The following SMAD3 variants were observed in gnomAD, a reference collection of about 807,000 sequenced individuals.
SMAD3 encodes MAD homolog 3.
In SMAD3, 12 loss-of-function variants were observed where a neutral mutation model predicts 51.8. That is an observed-to-expected ratio of 0.23 (90% CI 0.15 to 0.38). The LOEUF (loss-of-function observed/expected upper bound fraction) is 0.38, where lower values mean the gene tolerates loss of function less well. SMAD3 is among the 10% of genes least tolerant of loss of function. The pLI, the probability that SMAD3 is intolerant of heterozygous loss-of-function variation, is 1.00. For missense variants in SMAD3, 294 were observed against 565.6 expected (o/e 0.52, Z 4.87); for synonymous variants, 238 against 227.7 (o/e 1.05, Z -0.41).
At chr15:67,098,759 C>T (rs368049449) in intron 1 of SMAD3, 31 of 639,098 alleles carry the variant, frequency 4.9e-5, no homozygotes, top group Admixed American at 1.1e-4. Context: ...GCCTCCACAG[C>T]CCCCGGAAGG....
chr15:67,067,958 A>G (rs778921929), intron 1 of SMAD3, among the ~76,000 whole-genome samples: 3 of 152,042 alleles, frequency 2.0e-5, no homozygotes, highest in Non-Finnish European at 4.4e-5. Context: ...TGCCAAACCT[A>G]CCTTCTCCTT....
intron 1 of SMAD3, among the ~76,000 whole-genome samples, chr15:67,150,866 TTTTTTTTG>T (rs1962120439): frequency 8.4e-6 from 1 of 118,410 alleles, no homozygotes; most frequent in African/African-American, 3.2e-5. Context: ...TTTTTTTTTT[TTTTTTTTG>T]AGATGGAGTC....
intron 5 of SMAD3, among the ~76,000 whole-genome samples, chr15:67,173,144 GGCCAGGCGTCTCCTCTGTATCCATGC>G (rs1962797889): frequency 6.6e-6 from 1 of 152,174 alleles, no homozygotes; most frequent in East Asian, 1.9e-4. Context: ...ATTCCAGGCT[GGCCAGGCGTCTCCTCTGTATCCATGC>G]GCTCAGTCAA....
intron 1 of SMAD3, among the ~76,000 whole-genome samples, chr15:67,116,290 C>T (rs2140239034): frequency 6.6e-6 from 1 of 152,344 alleles, no homozygotes; most frequent in Admixed American, 6.5e-5. Flanking sequence ...CACATCTTCA[C>T]ATTTGCAGTG....
chr15:67,107,635 G>A (rs981231941), intron 1 of SMAD3, among the ~76,000 whole-genome samples: 28 of 152,212 alleles, frequency 1.8e-4, no homozygotes, highest in African/African-American at 6.5e-4. Flanking sequence ...CTAAGTCACT[G>A]CCTGTCGCTG....
intron 1 of SMAD3, among the ~76,000 whole-genome samples, chr15:67,083,775 C>G (rs987264675): frequency 3.3e-5 from 5 of 152,208 alleles, no homozygotes; most frequent in African/African-American, 9.7e-5. Context: ...CTTCTTCTTT[C>G]TCCTCACACA....
chr15:67,129,819 A>G (rs1961479097), intron 1 of SMAD3, among the ~76,000 whole-genome samples: 1 of 152,272 alleles, frequency 6.6e-6, no homozygotes, highest in Non-Finnish European at 1.5e-5. Flanking sequence ...TCTTTATCAT[A>G]CTGAGTCTGA....
intron 1 of SMAD3, chr15:67,126,055 G>A: frequency 1.4e-6 from 1 of 730,536 alleles, no homozygotes; most frequent in Non-Finnish European, 1.7e-6. Context: ...GAAACTGTAT[G>A]CTCGACACAC....
chr15:67,182,869 A>G (rs77101883), intron 6 of SMAD3, among the ~76,000 whole-genome samples: 3,643 of 150,610 alleles, frequency 0.024, 151 homozygotes, highest in African/African-American at 0.085. Context: ...GGGTCTTGCT[A>G]TGTTGCCCAG....
intron 1 of SMAD3, among the ~76,000 whole-genome samples, chr15:67,104,265 T>A (rs1488211928): frequency 6.6e-6 from 1 of 152,200 alleles, no homozygotes; most frequent in African/African-American, 2.4e-5. Flanking sequence ...ACTGAGTGTT[T>A]GAATGAATGA....
Position 67,184,418 on chromosome 15 carries a change from C to T in SMAD3, c.872-309C>T, listed in dbSNP as rs7181543. Among the ~76,000 whole-genome samples the T allele has an allele frequency of 0.22, 33,609 of 152,108 alleles. 4,252 individuals are homozygous for T. Among genetic ancestry groups the T allele is most frequent in the East Asian group, 0.47 (2,454 of 5,170 alleles). On this transcript the variant is annotated intron_variant, in intron 6 of 8. Transcript: ENST00000327367. ...CACCGCGCCTGGCCCCCATCCCTATCGTAGAGACAAACGAAGACTCAGAGG... is the reference window on the plus strand; with the variant it reads ...CACCGCGCCTGGCCCCCATCCCTATTGTAGAGACAAACGAAGACTCAGAGG...
At chr15:67,159,709 C>T (rs539358399) in intron 1 of SMAD3, among the ~76,000 whole-genome samples, 2 of 152,272 alleles carry the variant, frequency 1.3e-5, no homozygotes, top group Admixed American at 1.3e-4. Context: ...AATGACTGAT[C>T]CCTGCTTTCT....
intron 5 of SMAD3, among the ~76,000 whole-genome samples, chr15:67,179,170 G>C (rs915316837): frequency 2.6e-5 from 4 of 152,218 alleles, no homozygotes; most frequent in African/African-American, 9.6e-5. Flanking sequence ...GTCTGTGCCT[G>C]AGCCAAGATT....
intron 1 of SMAD3, among the ~76,000 whole-genome samples, chr15:67,107,653 TGCATGGACAGG>T (rs545802518): frequency 3.5e-4 from 53 of 152,342 alleles, no homozygotes; most frequent in African/African-American, 1.2e-3. Flanking sequence ...CTGTGGTTAT[TGCATGGACAGG>T]GCCTCCCTCT....
At chr15:67,099,633 T>A (rs534993676) in intron 1 of SMAD3, among the ~76,000 whole-genome samples, 138 of 152,310 alleles carry the variant, frequency 9.1e-4, no homozygotes, top group African/African-American at 3.0e-3. Flanking sequence ...GAAGATGGGA[T>A]CTGGATGACA....
intron 1 of SMAD3, among the ~76,000 whole-genome samples, chr15:67,155,858 G>A (rs915069675): frequency 6.6e-6 from 1 of 151,894 alleles, no homozygotes; most frequent in African/African-American, 2.4e-5. Flanking sequence ...GTGGTGGTGC[G>A]CACCTATAAT....
chr15:67,180,959 G>C (rs968107969), intron 5 of SMAD3, among the ~76,000 whole-genome samples: 25 of 147,404 alleles, frequency 1.7e-4, no homozygotes, highest in African/African-American at 5.7e-4. Flanking sequence ...AGGCGGGGCA[G>C]GGCCTTTATG....
At chr15:67,125,627 G>A (rs1024073735) in intron 1 of SMAD3, 6 of 749,310 alleles carry the variant, frequency 8.0e-6, no homozygotes, top group African/African-American at 1.9e-5. Context: ...TCCAGAGTGC[G>A]TGGTGTTTAT....
At chr15:67,113,945 T>C (rs968015280) in intron 1 of SMAD3, among the ~76,000 whole-genome samples, 2 of 152,220 alleles carry the variant, frequency 1.3e-5, no homozygotes, top group African/African-American at 4.8e-5. Context: ...GAATGTTTAT[T>C]ACATTCTTTG....
Sources: gnomAD v4.1 joint callset for allele counts (sites outside exome capture counted in the v4.1 genomes callset) on GRCh38, gnomAD v4.1.1 for gene constraint, MANE v1.5 for transcripts, NCBI Gene and HGNC (gene_info 2026-07-23, HGNC 2026-07-21) for gene names.